MND1: variants seen among roughly 807,000 people sequenced by gnomAD.
The protein encoded by MND1 is meiotic nuclear division protein 1 homolog.
Under a neutral mutation model 35.1 loss-of-function variants are expected in MND1, and 28 were observed. The observed-to-expected ratio is 0.80, with a 90% CI of 0.59 to 1.09. The LOEUF (loss-of-function observed/expected upper bound fraction) is 1.09. Ranked by LOEUF, MND1 falls within the 50% of genes least tolerant of loss-of-function variation. MND1 has a pLI of 0.00. For missense variants in MND1, 213 were observed against 239.6 expected, an observed-to-expected ratio of 0.89 and a Z score of 0.73; for synonymous variants, 69 against 70.5, an observed-to-expected ratio of 0.98 and a Z score of 0.11.
intron 4 of MND1, among the ~76,000 whole-genome samples, chr4:153,389,360 T>C (rs745902281): frequency 3.9e-5 from 6 of 152,158 alleles, no homozygotes; most frequent in Non-Finnish European, 8.8e-5. Flanking sequence ...TTTATTTATT[T>C]ATTTATTTAT....
chr4:153,349,323 A>G (rs1773153594), intron 1 of MND1, among the ~76,000 whole-genome samples: 2 of 152,054 alleles, frequency 1.3e-5, no homozygotes, highest in African/African-American at 4.8e-5. Flanking sequence ...TCCCCCTTCC[A>G]TCTTCTCTTC....
intron 4 of MND1, among the ~76,000 whole-genome samples, chr4:153,391,616 A>G (rs1579940471): frequency 6.6e-6 from 1 of 150,968 alleles, no homozygotes; most frequent in Non-Finnish European, 1.5e-5. Flanking sequence ...AATCCCAGCT[A>G]CTCCAGAGGC....
chr4:153,376,771 G>GCT (rs1238563406), intron 4 of MND1, among the ~76,000 whole-genome samples: 1 of 152,052 alleles, frequency 6.6e-6, no homozygotes, highest in African/African-American at 2.4e-5. Flanking sequence ...TTTCTCTGGT[G>GCT]CTGTGGTACC....
chr4:153,384,128 T>G (rs1216954779), intron 4 of MND1, among the ~76,000 whole-genome samples: 1 of 152,164 alleles, frequency 6.6e-6, no homozygotes, highest in Non-Finnish European at 1.5e-5. Flanking sequence ...CTGACACTGT[T>G]AGGCTTCTGT....
chr4:153,371,310 A>C (rs1448090119), intron 4 of MND1, among the ~76,000 whole-genome samples: 3 of 152,064 alleles, frequency 2.0e-5, no homozygotes, highest in African/African-American at 7.2e-5. Context: ...AAGAGTGTCA[A>C]GTGTCACCCT....
At chr4:153,379,720 T>G (rs1367452846) in intron 4 of MND1, among the ~76,000 whole-genome samples, 1 of 151,358 alleles carries the variant, frequency 6.6e-6, no homozygotes, top group Non-Finnish European at 1.5e-5. Context: ...CATGGTGATG[T>G]GTGCCTGTAA....
rs546805471 is a variant in MND1 at position 153,406,153 on chromosome 4, C to T, written c.467-2818C>T. ...AGCAACAATTCCTTGAATATGACAC[C>T]AAAAGCAGAAACAACCACAGAAAAA... On this transcript the variant is annotated intron_variant, in intron 6 of 7. Coordinates refer to ENST00000240488, the MANE Select transcript of MND1 (RefSeq NM_032117.4). Among the ~76,000 whole-genome samples, 414 of 152,150 alleles carry T rather than the reference C, an allele frequency of 2.7e-3. 1 individual carries two copies. Among genetic ancestry groups the T allele is most frequent in the South Asian group, 0.021 (99 of 4,802 alleles).
intron 4 of MND1, among the ~76,000 whole-genome samples, chr4:153,359,628 A>G (rs910359604): frequency 1.3e-5 from 2 of 152,116 alleles, no homozygotes; most frequent in Non-Finnish European, 2.9e-5. Context: ...TGCATTCCCA[A>G]CTACAGTGGG....
intron 3 of MND1, among the ~76,000 whole-genome samples, chr4:153,357,918 A>G (rs778818655): frequency 5.9e-5 from 9 of 152,232 alleles, no homozygotes; most frequent in Non-Finnish European, 1.2e-4. Flanking sequence ...AGAAAAGGAA[A>G]AGATACCATA....
intron 4 of MND1, among the ~76,000 whole-genome samples, chr4:153,390,858 A>T (rs922260394): frequency 1.3e-5 from 2 of 149,594 alleles, no homozygotes; most frequent in African/African-American, 4.9e-5. Context: ...AAAAAACAGA[A>T]CCAGCCCGTC....
intron 6 of MND1, among the ~76,000 whole-genome samples, chr4:153,405,567 G>A (rs1579955911): frequency 6.6e-6 from 1 of 151,566 alleles, no homozygotes; most frequent in African/African-American, 2.4e-5. Flanking sequence ...TAGACATATA[G>A]ATTAATGGAA....
chr4:153,352,704 A>G (rs922840253), intron 2 of MND1, among the ~76,000 whole-genome samples: 3 of 145,064 alleles, frequency 2.1e-5, no homozygotes, highest in Non-Finnish European at 4.5e-5. Context: ...ACACTCTGTC[A>G]CTCAGGCACT....
At chr4:153,411,029 G>C (rs912295438) in intron 7 of MND1, among the ~76,000 whole-genome samples, 1 of 152,052 alleles carries the variant, frequency 6.6e-6, no homozygotes, top group Non-Finnish European at 1.5e-5. Context: ...CTAGAATTGA[G>C]AATATATACT....
At chr4:153,366,675 T>A (rs1345195135) in intron 4 of MND1, among the ~76,000 whole-genome samples, 1 of 152,244 alleles carries the variant, frequency 6.6e-6, no homozygotes. Flanking sequence ...TGGTTACAAG[T>A]ACTAGGACAT....
At chr4:153,384,742 C>G (rs1579932616) in intron 4 of MND1, among the ~76,000 whole-genome samples, 1 of 152,216 alleles carries the variant, frequency 6.6e-6, no homozygotes, top group East Asian at 1.9e-4. Context: ...TGTGTCTCAG[C>G]ATGTACTTAT....
intron 6 of MND1, among the ~76,000 whole-genome samples, chr4:153,401,973 G>A (rs1029939089): frequency 7.9e-5 from 12 of 152,152 alleles, no homozygotes; most frequent in Non-Finnish European, 1.5e-4. Flanking sequence ...TGGCCAACTT[G>A]GTGAAATGCT....
At chr4:153,361,473 G>A (rs954903382) in intron 4 of MND1, 16 of 456,142 alleles carry the variant, frequency 3.5e-5, no homozygotes, top group African/African-American at 1.2e-4. Flanking sequence ...ATGAATCCGA[G>A]TTTGCATGTT....
chr4:153,369,146 T>C (rs115104515), intron 4 of MND1, among the ~76,000 whole-genome samples: 3 of 152,358 alleles, frequency 2.0e-5, no homozygotes, highest in African/African-American at 4.8e-5. Flanking sequence ...AGTTCTATGA[T>C]GGCTTTTGGC....
intron 6 of MND1, among the ~76,000 whole-genome samples, chr4:153,401,473 G>A (rs1442336685): frequency 1.3e-5 from 2 of 152,144 alleles, no homozygotes; most frequent in African/African-American, 2.4e-5. Context: ...GTAGATGCCA[G>A]TGATCCCCTT....
Sources: gnomAD v4.1 joint callset for allele counts (sites outside exome capture counted in the v4.1 genomes callset) on GRCh38, gnomAD v4.1.1 for gene constraint, MANE v1.5 for transcripts, NCBI Gene and HGNC (gene_info 2026-07-23, HGNC 2026-07-21) for gene names.